The following GPR176 variants were observed in gnomAD, a reference collection of about 807,000 sequenced individuals.
GPR176 encodes G protein-coupled receptor 176.
In GPR176, 26 loss-of-function variants were observed where a neutral mutation model predicts 35.4. The ratio of observed to expected loss-of-function variants is 0.74; its 90% CI spans 0.54 to 1.02. The LOEUF is 1.02. Ranked by LOEUF, GPR176 falls within the 50% of genes least tolerant of loss-of-function variation. The pLI is 0.00. For synonymous variants in GPR176, 278 were observed against 271.3 expected, an observed-to-expected ratio of 1.02 and a Z score of -0.24; for missense variants, 597 against 665.3, an observed-to-expected ratio of 0.90 and a Z score of 1.13.
At chr15:39,889,632 G>A (rs2032797495) in intron 1 of GPR176, among the ~76,000 whole-genome samples, 1 of 150,300 alleles carries the variant, frequency 6.7e-6, no homozygotes, top group African/African-American at 2.5e-5. Context: ...ACATTAAAGT[G>A]TTATGGGACC....
At chr15:39,906,563 A>C (rs1157986116) in intron 1 of GPR176, among the ~76,000 whole-genome samples, 1 of 152,210 alleles carries the variant, frequency 6.6e-6, no homozygotes, top group Admixed American at 6.5e-5. Context: ...CCCACACATT[A>C]TGCTGCCTGG....
intron 1 of GPR176, among the ~76,000 whole-genome samples, chr15:39,849,215 A>G (rs1249505451): frequency 6.6e-6 from 1 of 152,146 alleles, no homozygotes; most frequent in Non-Finnish European, 1.5e-5. Flanking sequence ...TATTCCTTAA[A>G]AACATAAGCT....
At chr15:39,883,961 G>A (rs1454032103) in intron 1 of GPR176, among the ~76,000 whole-genome samples, 1 of 152,172 alleles carries the variant, frequency 6.6e-6, no homozygotes, top group Admixed American at 6.5e-5. Flanking sequence ...CCTGCTCAAT[G>A]GAACTGCCTC....
intron 1 of GPR176, among the ~76,000 whole-genome samples, chr15:39,851,170 T>A (rs974271566): frequency 1.4e-4 from 21 of 152,186 alleles, no homozygotes; most frequent in African/African-American, 5.1e-4. Context: ...TTAAAACATT[T>A]GGGATTGTTC....
chr15:39,868,474 C>T (rs1401383094), intron 1 of GPR176, among the ~76,000 whole-genome samples: 1 of 152,038 alleles, frequency 6.6e-6, no homozygotes, highest in African/African-American at 2.4e-5. Flanking sequence ...AAATGAGATA[C>T]GAAGTAGGAA....
At chr15:39,899,044 G>A (rs946434861) in intron 1 of GPR176, among the ~76,000 whole-genome samples, 2 of 152,148 alleles carry the variant, frequency 1.3e-5, no homozygotes, top group Non-Finnish European at 2.9e-5. Flanking sequence ...AAAACACCAA[G>A]TCTTCTAGTC....
chr15:39,831,556 TTCCAC>T (rs1223546819), intron 1 of GPR176, among the ~76,000 whole-genome samples: 2 of 152,140 alleles, frequency 1.3e-5, no homozygotes, highest in African/African-American at 4.8e-5. Flanking sequence ...ATGTACCTCC[TTCCAC>T]TCAATGGCCC....
At chr15:39,880,342 C>T (rs1595502705) in intron 1 of GPR176, among the ~76,000 whole-genome samples, 1 of 152,190 alleles carries the variant, frequency 6.6e-6, no homozygotes, top group Non-Finnish European at 1.5e-5. Context: ...CACTTCTCTA[C>T]CACAGCTCTC....
chr15:39,816,230 G>A (rs570093966), intron 1 of GPR176, among the ~76,000 whole-genome samples: 129 of 152,262 alleles, frequency 8.5e-4, no homozygotes, highest in Non-Finnish European at 1.7e-3. Flanking sequence ...GGTGACTACA[G>A]TAAGCAATAT....
At chr15:39,894,995 G>A (rs1303891021) in intron 1 of GPR176, among the ~76,000 whole-genome samples, 5 of 152,254 alleles carry the variant, frequency 3.3e-5, no homozygotes, top group Admixed American at 2.0e-4. Flanking sequence ...TCGGGAGGCC[G>A]AGGCTGGCGG....
At chr15:39,907,932 C>T (rs1037533210) in intron 1 of GPR176, among the ~76,000 whole-genome samples, 1 of 152,090 alleles carries the variant, frequency 6.6e-6, no homozygotes, top group African/African-American at 2.4e-5. Context: ...TTGCAGTGAG[C>T]CGAGATCATG....
chr15:39,830,911 C>T (rs1243016335), intron 1 of GPR176, among the ~76,000 whole-genome samples: 1 of 152,206 alleles, frequency 6.6e-6, no homozygotes. Flanking sequence ...AAGTGGACTT[C>T]TGCTTTGCCC....
chr15:39,886,088 C>A (rs543520294), intron 1 of GPR176, among the ~76,000 whole-genome samples: 2 of 152,176 alleles, frequency 1.3e-5, no homozygotes, highest in African/African-American at 4.8e-5. Flanking sequence ...ACAAAATTAG[C>A]CAGGCATGGT....
intron 1 of GPR176, among the ~76,000 whole-genome samples, chr15:39,849,935 C>T (rs1042164247): frequency 2.0e-5 from 3 of 152,068 alleles, no homozygotes; most frequent in Non-Finnish European, 4.4e-5. Flanking sequence ...TAGCCTATTG[C>T]CCCTAGGCTA....
At chr15:39,843,709 T>C (rs1184958579) in intron 1 of GPR176, among the ~76,000 whole-genome samples, 2 of 152,162 alleles carry the variant, frequency 1.3e-5, no homozygotes, top group Non-Finnish European at 2.9e-5. Context: ...TATTTTAGAA[T>C]ACTAGACATT....
chr15:39,894,164 C>A (rs1344644888), intron 1 of GPR176, among the ~76,000 whole-genome samples: 1 of 120,300 alleles, frequency 8.3e-6, no homozygotes, highest in East Asian at 2.6e-4. Flanking sequence ...CCGGATGGGG[C>A]GGCTGGCCTG....
Position 39,869,030 on chromosome 15 carries a change from T to A in GPR176, c.172+50825A>T, listed in dbSNP as rs560997572. Among the ~76,000 whole-genome samples the A allele has an allele frequency of 4.6e-5, 7 of 150,582 alleles. No individual in the cohort carries two copies. The South Asian group carries it at 1.5e-3, about 32-fold the overall frequency. ...AAAAAAAAAAAAAAATTCCCCCAAATAAGTGCTTAGTCCTACAGAACATTT... is the reference window on the plus strand; with the variant it reads ...AAAAAAAAAAAAAAATTCCCCCAAAAAAGTGCTTAGTCCTACAGAACATTT... On this transcript the variant is annotated intron_variant, in intron 1 of 2. Transcript: ENST00000561100.
At chr15:39,825,085 T>C (rs1900539178) in intron 1 of GPR176, among the ~76,000 whole-genome samples, 1 of 152,164 alleles carries the variant, frequency 6.6e-6, no homozygotes, top group South Asian at 2.1e-4. Flanking sequence ...CACATGCCTA[T>C]AGTCCCAGCT....
intron 1 of GPR176, among the ~76,000 whole-genome samples, chr15:39,887,599 T>TAA (rs10561003): frequency 0.024 from 3,372 of 141,854 alleles, 168 homozygotes; most frequent in African/African-American, 0.084. Context: ...AATTTAAATT[T>TAA]AAAAAAAAAA....
Sources: gnomAD v4.1 joint callset for allele counts (sites outside exome capture counted in the v4.1 genomes callset) on GRCh38, gnomAD v4.1.1 for gene constraint, MANE v1.5 for transcripts, NCBI Gene and HGNC (gene_info 2026-07-23, HGNC 2026-07-21) for gene names.